RBFOX1: variants seen among roughly 807,000 people sequenced by gnomAD.
RBFOX1 encodes RNA binding protein fox-1 homolog 1.
Under a neutral mutation model 57.7 loss-of-function variants are expected in RBFOX1, and 8 were observed. That is an observed-to-expected ratio of 0.14 (90% CI 0.08 to 0.25). The LOEUF (loss-of-function observed/expected upper bound fraction) is 0.25, where lower values mean the gene tolerates loss of function less well. RBFOX1 is among the 10% of genes least tolerant of loss of function. RBFOX1 has a pLI of 1.00. For synonymous variants in RBFOX1, 326 were observed against 222.4 expected, an observed-to-expected ratio of 1.47 and a Z score of -4.15; for missense variants, 611 against 548.5, an observed-to-expected ratio of 1.11 and a Z score of -1.14.
At chr16:7,481,191 A>G (rs1011715785) in intron 4 of RBFOX1, among the ~76,000 whole-genome samples, 2 of 152,294 alleles carry the variant, frequency 1.3e-5, no homozygotes, top group South Asian at 2.1e-4. Context: ...TGAGTAACAT[A>G]AATGGAACAG....
intron 4 of RBFOX1, among the ~76,000 whole-genome samples, chr16:7,110,904 T>C (rs1256367965): frequency 6.6e-6 from 1 of 152,170 alleles, no homozygotes; most frequent in African/African-American, 2.4e-5. Context: ...AGAATTAAGA[T>C]TTTTAACTTT....
intron 3 of RBFOX1, among the ~76,000 whole-genome samples, chr16:7,004,915 G>A (rs1419287060): frequency 6.6e-6 from 1 of 152,126 alleles, no homozygotes; most frequent in Non-Finnish European, 1.5e-5. Flanking sequence ...TTTGTAAGGT[G>A]GGCCGATCAC....
chr16:6,616,479 A>G (rs1382812056), intron 2 of RBFOX1, among the ~76,000 whole-genome samples: 7 of 151,980 alleles, frequency 4.6e-5, no homozygotes, highest in Non-Finnish European at 2.9e-5. Flanking sequence ...GATCGAGACC[A>G]TCCTGGCTAA....
intron 2 of RBFOX1, among the ~76,000 whole-genome samples, chr16:6,524,711 G>A (rs896704965): frequency 3.9e-5 from 6 of 152,116 alleles, no homozygotes; most frequent in Non-Finnish European, 2.9e-5. Context: ...TCCCTGTGAG[G>A]GCTCTAAGAA....
intron 3 of RBFOX1, among the ~76,000 whole-genome samples, chr16:6,736,806 C>A (rs902735375): frequency 5.3e-5 from 8 of 152,152 alleles, no homozygotes; most frequent in Admixed American, 4.6e-4. Flanking sequence ...GTATGGAATG[C>A]TGTATTCATA....
intron 4 of RBFOX1, among the ~76,000 whole-genome samples, chr16:7,344,979 C>G (rs911973999): frequency 6.6e-6 from 1 of 151,210 alleles, no homozygotes; most frequent in Non-Finnish European, 1.5e-5. Flanking sequence ...AGGCCTTGTT[C>G]CCCATGGAAG....
At chr16:5,278,701 C>G (rs1307918100) in intron 1 of RBFOX1, among the ~76,000 whole-genome samples, 2 of 152,160 alleles carry the variant, frequency 1.3e-5, no homozygotes, top group Admixed American at 6.5e-5. Context: ...GTGTTTACTT[C>G]TAGTAGTTTT....
intron 1 of RBFOX1, among the ~76,000 whole-genome samples, chr16:5,429,856 T>A (rs1326722365): frequency 6.6e-6 from 1 of 152,180 alleles, no homozygotes; most frequent in Non-Finnish European, 1.5e-5. Flanking sequence ...TCCGGCTGTG[T>A]CAGTGAATGA....
chr16:7,526,409 C>G (rs914504563), intron 5 of RBFOX1, among the ~76,000 whole-genome samples: 34 of 152,302 alleles, frequency 2.2e-4, no homozygotes, highest in African/African-American at 7.9e-4. Flanking sequence ...ACCCTCCATT[C>G]TGCTTACAAG....
At chr16:7,261,345 A>T (rs1001895683) in intron 4 of RBFOX1, among the ~76,000 whole-genome samples, 3 of 152,150 alleles carry the variant, frequency 2.0e-5, no homozygotes, top group African/African-American at 4.8e-5. Context: ...CATTATCATC[A>T]CTACTACTGT....
intron 3 of RBFOX1, among the ~76,000 whole-genome samples, chr16:5,676,767 C>G (rs67218249): frequency 0.19 from 29,056 of 152,030 alleles, 3,873 homozygotes; most frequent in East Asian, 0.57. Flanking sequence ...GAAGCTAAAG[C>G]ACGAGAATCC....
chr16:6,659,390 C>T (rs575513115), intron 3 of RBFOX1, among the ~76,000 whole-genome samples: 134 of 152,118 alleles, frequency 8.8e-4, no homozygotes, highest in Non-Finnish European at 1.5e-3. Context: ...ATTGAAGGTG[C>T]GATTGGGAGA....
At chr16:7,510,640 C>G (rs2074828725) in intron 4 of RBFOX1, among the ~76,000 whole-genome samples, 1 of 152,216 alleles carries the variant, frequency 6.6e-6, no homozygotes, top group Admixed American at 6.5e-5. Context: ...GGGCATGATG[C>G]AGTTTAGCTC....
intron 13 of RBFOX1, 115 bp from the exon 14 acceptor site, chr16:7,676,659 C>T: frequency 4.4e-6 from 4 of 902,556 alleles, no homozygotes; most frequent in South Asian, 1.4e-5. Context: ...TTTCATTAAC[C>T]TCAACTTTAG....
chr16:5,593,003 A>T (rs1301353395), intron 2 of RBFOX1, among the ~76,000 whole-genome samples: 1 of 152,178 alleles, frequency 6.6e-6, no homozygotes, highest in South Asian at 2.1e-4. Flanking sequence ...AAGGCATTCT[A>T]AGTCACAGTG....
chr16:6,119,297 C>T lies in RBFOX1; in HGVS notation c.-127+99305C>T, dbSNP rs1160334880. On this transcript the variant is annotated intron_variant, in intron 1 of 15. Transcript: ENST00000550418. ...AGCTCAGATTATCTGCTGTTTGACC[C>T]TGAGTAGAATGAATTTATGTGTTCT... Among the ~76,000 whole-genome samples the T allele has an allele frequency of 2.6e-5, 4 of 152,024 alleles. No homozygotes were observed. The East Asian group carries it at 7.7e-4, about 29-fold the overall frequency.
At chr16:5,903,670 A>G (rs779761644) in intron 4 of RBFOX1, among the ~76,000 whole-genome samples, 18 of 152,078 alleles carry the variant, frequency 1.2e-4, no homozygotes, top group Non-Finnish European at 1.0e-4. Context: ...GGGCACCTCT[A>G]ATAGTAAAAT....
chr16:6,662,306 G>T (rs1028365368), intron 3 of RBFOX1, among the ~76,000 whole-genome samples: 1 of 152,192 alleles, frequency 6.6e-6, no homozygotes, highest in Admixed American at 6.5e-5. Flanking sequence ...AAGTCTGTGA[G>T]ATGATGGATA....
At chr16:7,315,541 T>G (rs992993357) in intron 4 of RBFOX1, among the ~76,000 whole-genome samples, 3 of 151,956 alleles carry the variant, frequency 2.0e-5, no homozygotes, top group African/African-American at 7.2e-5. Flanking sequence ...TTTATGCTTA[T>G]AAATTTTTTT....
Sources: allele counts gnomAD v4.1 joint callset (sites outside exome capture counted in the v4.1 genomes callset), GRCh38; gene constraint gnomAD v4.1.1; transcripts MANE v1.5; gene names NCBI Gene and HGNC (gene_info 2026-07-23, HGNC 2026-07-21).